Variants in AOX1 observed in about 807,000 individuals in gnomAD.
The protein encoded by AOX1 is aldehyde oxidase 1, also known as aldehyde oxidase.
A neutral mutation model predicts 169.5 loss-of-function variants in AOX1; 153 were observed. That is an observed-to-expected ratio of 0.90 (90% confidence interval 0.79 to 1.03). The LOEUF (loss-of-function observed/expected upper bound fraction) is 1.03, where lower values mean the gene tolerates loss of function less well. Ranked by LOEUF, AOX1 falls within the 50% of genes least tolerant of loss-of-function variation. AOX1 has a pLI of 0.00. For missense variants in AOX1, 1,656 were observed against 1,663.9 expected, an observed-to-expected ratio of 1.00 and a Z score of 0.08; for synonymous variants, 562 against 581.9, an observed-to-expected ratio of 0.97 and a Z score of 0.49.
At chr2:200,674,483 T>C (rs7563682), downstream of AOX1, among the ~76,000 whole-genome samples, 63,069 of 152,004 alleles carry the variant, frequency 0.41, 13,859 homozygotes, top group East Asian at 0.6. Flanking sequence ...AATGGGCATA[T>C]GGAAGTGGCA....
At chr2:200,599,478 T>G in intron 4 of AOX1, 142 bp from the exon 5 acceptor site, 1 of 606,010 alleles carries the variant, frequency 1.7e-6, no homozygotes, top group Non-Finnish European at 2.7e-6. Context: ...GTGCCTGGGA[T>G]GAGAAGGGCT....
intron 1 of AOX1, among the ~76,000 whole-genome samples, chr2:200,590,341 T>A (rs925996550): frequency 4.6e-5 from 7 of 152,122 alleles, no homozygotes; most frequent in African/African-American, 1.4e-4. Context: ...CACCCTCAGA[T>A]TCAAGACTAT....
chr2:200,653,760 G>T (rs2035625463), intron 26 of AOX1, among the ~76,000 whole-genome samples: 1 of 152,216 alleles, frequency 6.6e-6, no homozygotes, highest in African/African-American at 2.4e-5. Context: ...TGGCAACCTT[G>T]CTTCAAGCAA....
intron 26 of AOX1, among the ~76,000 whole-genome samples, chr2:200,654,143 A>C (rs917744862): frequency 2.0e-5 from 3 of 149,822 alleles, no homozygotes; most frequent in Admixed American, 1.4e-4. Context: ...AAATGCTAGA[A>C]ATGATTAAGC....
Position 200,627,419 on chromosome 2 carries a change from GC to G in AOX1, c.2192del (p.Ala731AspfsTer59), listed in dbSNP as rs1019266146. On this transcript the variant is annotated frameshift_variant, in exon 20 of 35. Coordinates refer to ENST00000374700, the MANE Select transcript of AOX1 (RefSeq NM_001159.4). LOFTEE classifies it high-confidence loss of function. The part of the protein sequence containing the change: ...RKLEYGNVDE[A>X]FKVVDQILEG... ...ACTGGAATATGGAAATGTTGACGAA[GC>G]ATTTAAAGTGGTTGATCAAATTCTT... 3 of 1,613,606 alleles carry G rather than the reference GC, an allele frequency of 1.9e-6. No individual in the cohort carries two copies. In the African/African-American group the frequency reaches 4.0e-5, roughly 22 times the overall value.
chr2:200,647,471 GT>G (rs1305658502), intron 25 of AOX1, among the ~76,000 whole-genome samples: 1 of 152,188 alleles, frequency 6.6e-6, no homozygotes, highest in Non-Finnish European at 1.5e-5. Context: ...AATCATGTAA[GT>G]TTTCCTTTAT....
intron 6 of AOX1, among the ~76,000 whole-genome samples, chr2:200,603,042 C>A (rs1280618572): frequency 1.3e-5 from 2 of 152,050 alleles, no homozygotes; most frequent in African/African-American, 4.8e-5. Flanking sequence ...GTTATAAGAT[C>A]TTTATGTCTT....
At chr2:200,613,713 A>G in intron 14 of AOX1, 91 bp from the exon 15 acceptor site, 1 of 1,296,076 alleles carries the variant, frequency 7.7e-7, no homozygotes, top group East Asian at 2.4e-5. Flanking sequence ...TATTTCCTGT[A>G]TTAAACTATG....
In AOX1 at chr2:200,634,788, C is replaced by G. The variant is rs774547066; in HGVS notation, c.2222-3C>G. ...TTGACTTTTATGTATTTTCCTGTAA[C>G]AGGTGAAATACATATGGGAGGTCAA... is the stretch of plus-strand genomic sequence containing the variant. On this transcript the variant is annotated splice_region_variant and splice_polypyrimidine_tract_variant and intron_variant, in intron 20 of 34. Coordinates refer to ENST00000374700, the MANE Select transcript of AOX1 (RefSeq NM_001159.4). 7 of 1,613,724 alleles carry G rather than the reference C, an allele frequency of 4.3e-6. No individual in the cohort carries two copies. Among genetic ancestry groups the G allele is most frequent in the Non-Finnish European group, 5.9e-6 (7 of 1,179,840 alleles).
chr2:200,629,802 G>C (rs999885972), intron 20 of AOX1, among the ~76,000 whole-genome samples: 1 of 152,024 alleles, frequency 6.6e-6, no homozygotes, highest in Non-Finnish European at 1.5e-5. Context: ...TTCCATTGTT[G>C]TATTTTTCCT....
At chr2:200,651,273 C>A in intron 26 of AOX1, 72 bp downstream of exon 26, 2 of 1,361,646 alleles carry the variant, frequency 1.5e-6, no homozygotes, top group Non-Finnish European at 2.1e-6. Context: ...GTTGAGGAAA[C>A]TTCTCCTTAA....
chr2:200,646,440 A>C (rs1357100466), intron 25 of AOX1, among the ~76,000 whole-genome samples: 1 of 152,058 alleles, frequency 6.6e-6, no homozygotes, highest in Non-Finnish European at 1.5e-5. Context: ...ATATAATTTC[A>C]ATTTTCTTAA....
intron 28 of AOX1, among the ~76,000 whole-genome samples, 174 bp from the exon 29 acceptor site, chr2:200,659,821 C>CACGT (rs1479878204): frequency 1.4e-5 from 2 of 147,230 alleles, no homozygotes; most frequent in East Asian, 3.9e-4. Context: ...CACACACACA[C>CACGT]ACACGTGCAC....
Position 200,609,489 on chromosome 2 carries a change from C to A in AOX1, c.1153+75C>A, listed in dbSNP as rs540361642. On this transcript the variant is annotated intron_variant, in intron 12 of 34. Coordinates refer to ENST00000374700, the MANE Select transcript of AOX1 (RefSeq NM_001159.4). ...TTTTCTCTCTGGGGAGGCAGGAAAT[C>A]CAGTCTTGAAAATGACTTTTCCCTA... 894 of 1,271,724 alleles carry A rather than the reference C, an allele frequency of 7.0e-4. 3 individuals carry two copies. The highest frequency in any genetic ancestry group is 3.4e-3 in the Middle Eastern group (18 of 5,316). The allele number at this position is 1,271,724 out of a possible 1,614,324, so 78.8% of individuals were successfully genotyped here.
At chr2:200,618,454 A>C (rs2034814653) in intron 16 of AOX1, among the ~76,000 whole-genome samples, 2 of 152,246 alleles carry the variant, frequency 1.3e-5, no homozygotes, top group Admixed American at 1.3e-4. Flanking sequence ...TAGAAATTAC[A>C]CTACTTTCTG....
intron 18 of AOX1, among the ~76,000 whole-genome samples, 174 bp from the exon 19 acceptor site, chr2:200,623,687 C>T (rs907235681): frequency 7.9e-5 from 12 of 152,214 alleles, no homozygotes; most frequent in African/African-American, 2.4e-4. Flanking sequence ...CCCAGTGCCT[C>T]GGATCAGGAG....
downstream of AOX1, chr2:200,677,197 C>A: frequency 9.3e-6 from 2 of 215,446 alleles, no homozygotes; most frequent in Non-Finnish European, 1.9e-5. Flanking sequence ...CCTTAGGGTT[C>A]TTAGGGAAGG....
At chr2:200,629,102 TG>T (rs915540506) in intron 20 of AOX1, among the ~76,000 whole-genome samples, 2 of 152,164 alleles carry the variant, frequency 1.3e-5, no homozygotes, top group African/African-American at 4.8e-5. Context: ...AAGCCCATCA[TG>T]TCTCAACTCT....
chr2:200,626,644 G>A (rs1268979900), intron 19 of AOX1, among the ~76,000 whole-genome samples: 2 of 152,190 alleles, frequency 1.3e-5, no homozygotes, highest in Non-Finnish European at 2.9e-5. Flanking sequence ...CCAGCTCCCA[G>A]ACAGGGCTTG....
Sources: gnomAD v4.1 joint callset for allele counts (sites outside exome capture counted in the v4.1 genomes callset) on GRCh38, gnomAD v4.1.1 for gene constraint, MANE v1.5 for transcripts, NCBI Gene and HGNC (gene_info 2026-07-23, HGNC 2026-07-21) for gene names.